The following FOXP1 variants were observed in gnomAD, a reference collection of about 807,000 sequenced individuals.
The protein encoded by FOXP1 is forkhead box P1, also known as forkhead box protein P1.
FOXP1 carries 15 observed loss-of-function variants against 98.2 expected under a neutral mutation model. The ratio of observed to expected loss-of-function variants is 0.15; its 90% CI spans 0.10 to 0.24. The LOEUF is 0.24. Among genes scored for constraint, FOXP1 ranks in the 10% least tolerant of loss-of-function variants. The pLI, the probability that FOXP1 is intolerant of heterozygous loss-of-function variation, is 1.00. For synonymous variants in FOXP1, 371 were observed against 314.5 expected, an observed-to-expected ratio of 1.18 and a Z score of -1.90; for missense variants, 633 against 848.5, an observed-to-expected ratio of 0.75 and a Z score of 3.15.
intron 3 of FOXP1, among the ~76,000 whole-genome samples, chr3:71,359,703 G>A (rs1326230032): frequency 6.6e-6 from 1 of 151,994 alleles, no homozygotes; most frequent in African/African-American, 2.4e-5. Flanking sequence ...AAATAATTTT[G>A]GAATTGTAGT....
chr3:70,967,162 G>C (rs1226714735), intron 19 of FOXP1, among the ~76,000 whole-genome samples: 1 of 152,218 alleles, frequency 6.6e-6, no homozygotes, highest in African/African-American at 2.4e-5. Flanking sequence ...ATCTGGCATA[G>C]TGACTTCCAC....
intron 6 of FOXP1, among the ~76,000 whole-genome samples, chr3:71,162,094 C>A (rs547834894): frequency 6.6e-6 from 1 of 152,166 alleles, no homozygotes; most frequent in Non-Finnish European, 1.5e-5. Flanking sequence ...ACAGGCCAAT[C>A]GAAGTAGACA....
chr3:71,372,527 G>A (rs1052248470), intron 3 of FOXP1, among the ~76,000 whole-genome samples: 8 of 152,118 alleles, frequency 5.3e-5, no homozygotes, highest in African/African-American at 1.9e-4. Flanking sequence ...TTCTCCTGGT[G>A]GAGCTGTCAT....
intron 5 of FOXP1, among the ~76,000 whole-genome samples, chr3:71,213,538 C>T (rs1015312098): frequency 6.6e-6 from 1 of 152,120 alleles, no homozygotes; most frequent in African/African-American, 2.4e-5. Context: ...TACACATGGC[C>T]GGGCATGGTG....
At chr3:71,157,000 T>G (rs2060857131) in intron 6 of FOXP1, among the ~76,000 whole-genome samples, 1 of 152,092 alleles carries the variant, frequency 6.6e-6, no homozygotes, top group African/African-American at 2.4e-5. Context: ...CAAGGCCTAG[T>G]AAAAAGAAAG....
At chr3:71,243,841 C>A (rs144477433) in intron 5 of FOXP1, among the ~76,000 whole-genome samples, 348 of 152,108 alleles carry the variant, frequency 2.3e-3, no homozygotes, top group Non-Finnish European at 4.1e-3. Context: ...GTATTGCCAC[C>A]CAGCAAGGCA....
At chr3:71,364,839 T>C (rs1286577866) in intron 3 of FOXP1, among the ~76,000 whole-genome samples, 2 of 152,252 alleles carry the variant, frequency 1.3e-5, no homozygotes, top group Non-Finnish European at 2.9e-5. Flanking sequence ...TATTAACTGT[T>C]AACTAATTAA....
In FOXP1 at chr3:71,198,351, T is replaced by C. The variant is rs775317391; in HGVS notation, c.31A>G (p.Ser11Gly). MMQESGTETK[S>G]NGSAIQNGSG... The stretch of plus-strand genomic sequence containing the variant: ...CCATTCTGGATGGCTGAACCGTTAC[T>C]TTTTGTCTCAGTCCCAGATTCTTGC... Residue 11 changes from serine to glycine, a missense_variant, in exon 6 of 21, where the codon AGT becomes GGT. This residue lies in a region of FOXP1 where 103 missense variants were observed against 85.5 expected (regional missense o/e 1.20). Coordinates refer to ENST00000649528, the MANE Select transcript of FOXP1 (RefSeq NM_001349338.3). The C allele has an allele frequency of 1.2e-6, 2 of 1,613,408 alleles. No individual in the cohort carries two copies. Among genetic ancestry groups the C allele is most frequent in the Admixed American group, 1.7e-5 (1 of 59,964 alleles).
intron 3 of FOXP1, among the ~76,000 whole-genome samples, chr3:71,407,187 T>C (rs530950036): frequency 6.6e-6 from 1 of 152,236 alleles, no homozygotes; most frequent in East Asian, 1.9e-4. Flanking sequence ...TTACAAGAGC[T>C]TGAAAGTAAT....
intron 10 of FOXP1, among the ~76,000 whole-genome samples, chr3:71,045,567 T>C (rs576999468): frequency 1.2e-4 from 19 of 152,298 alleles, no homozygotes; most frequent in African/African-American, 4.1e-4. Flanking sequence ...CTTTCTTTTC[T>C]CCTTGTATTG....
intron 7 of FOXP1, among the ~76,000 whole-genome samples, chr3:71,080,200 C>G (rs1470487470): frequency 6.6e-6 from 1 of 152,150 alleles, no homozygotes; most frequent in African/African-American, 2.4e-5. Flanking sequence ...GTTTCCTAAA[C>G]CTATAAATCA....
intron 14 of FOXP1, among the ~76,000 whole-genome samples, chr3:70,978,438 C>G (rs1219770111): frequency 2.0e-5 from 3 of 152,102 alleles, no homozygotes; most frequent in African/African-American, 7.2e-5. Context: ...TAGGTGACAC[C>G]AGTTGGGATA....
chr3:71,531,634 C>T (rs1160112898), intron 2 of FOXP1, among the ~76,000 whole-genome samples: 2 of 152,106 alleles, frequency 1.3e-5, no homozygotes, highest in African/African-American at 4.8e-5. Flanking sequence ...GTTTTGCTTC[C>T]CTGACTGCAC....
intron 6 of FOXP1, among the ~76,000 whole-genome samples, chr3:71,135,871 C>T (rs2059798825): frequency 6.6e-6 from 1 of 152,128 alleles, no homozygotes. Flanking sequence ...AGGGCCAGGC[C>T]ATATAAGGAG....
At chr3:71,327,248 G>C (rs55723617) in intron 4 of FOXP1, among the ~76,000 whole-genome samples, 16,986 of 91,446 alleles carry the variant, frequency 0.19, 1,553 homozygotes, top group Non-Finnish European at 0.27. Flanking sequence ...AAATGGCTGG[G>C]AGGGAGGAGG....
intron 4 of FOXP1, among the ~76,000 whole-genome samples, chr3:71,316,244 A>C (rs906359308): frequency 6.6e-6 from 1 of 152,176 alleles, no homozygotes; most frequent in Non-Finnish European, 1.5e-5. Context: ...GCTGGGAAAC[A>C]GCCCTTGCCC....
chr3:71,263,996 C>A (rs2069409151), intron 5 of FOXP1, among the ~76,000 whole-genome samples: 1 of 151,800 alleles, frequency 6.6e-6, no homozygotes, highest in South Asian at 2.1e-4. Context: ...AGCAATCCTT[C>A]TGCCTGGGCC....
chr3:71,397,023 T>TATGTGTATATATATATAC (rs1553871544), intron 3 of FOXP1, among the ~76,000 whole-genome samples: 7 of 24,058 alleles, frequency 2.9e-4, no homozygotes, highest in Non-Finnish European at 5.4e-4. Context: ...TATATATATA[T>TATGTGTATATATATATAC]ACATATATAT....
chr3:71,394,118 A>G (rs1239826843), intron 3 of FOXP1, among the ~76,000 whole-genome samples: 1 of 152,254 alleles, frequency 6.6e-6, no homozygotes, highest in Non-Finnish European at 1.5e-5. Context: ...CCCAATTTCC[A>G]GAAGAGTCAC....
Sources: gnomAD v4.1 joint callset for allele counts (sites outside exome capture counted in the v4.1 genomes callset) on GRCh38, gnomAD v4.1.1 for gene constraint, gnomAD v4.1.1 regional missense constraint, MANE v1.5 for transcripts, NCBI Gene and HGNC (gene_info 2026-07-23, HGNC 2026-07-21) for gene names.